Variants in SVEP1 observed in about 807,000 individuals in gnomAD.
SVEP1 encodes sushi, von Willebrand factor type A, EGF and pentraxin domain-containing protein 1.
Under a neutral mutation model 367.3 loss-of-function variants are expected in SVEP1, and 164 were observed. The ratio of observed to expected loss-of-function variants is 0.45; its 90% CI spans 0.39 to 0.51. The LOEUF (loss-of-function observed/expected upper bound fraction) is 0.51, where lower values mean the gene tolerates loss of function less well. SVEP1 is among the 20% of genes least tolerant of loss of function. The probability of loss-of-function intolerance (pLI) is 0.00; values close to 1 mark genes in which losing one functional copy is unlikely to be tolerated. For missense variants in SVEP1, 4,117 were observed against 4,425.3 expected, an observed-to-expected ratio of 0.93 and a Z score of 1.98; for synonymous variants, 1,666 against 1,611.6, an observed-to-expected ratio of 1.03 and a Z score of -0.81.
intron 1 of SVEP1, among the ~76,000 whole-genome samples, chr9:110,577,478 A>G (rs1231539125): frequency 6.6e-6 from 1 of 152,114 alleles, no homozygotes; most frequent in African/African-American, 2.4e-5. Context: ...TATCATACAC[A>G]AAAATAAATT....
intron 18 of SVEP1, among the ~76,000 whole-genome samples, chr9:110,459,587 T>C (rs1231093080): frequency 1.3e-5 from 2 of 152,200 alleles, no homozygotes; most frequent in East Asian, 3.8e-4. Flanking sequence ...CTTGGGATAA[T>C]AGTTGACTTT....
chr9:110,379,297 A>G (rs1479668342), intron 44 of SVEP1, 50 bp downstream of exon 44: 1 of 1,586,708 alleles, frequency 6.3e-7, no homozygotes, highest in Non-Finnish European at 8.6e-7. Context: ...ATTTCTATAC[A>G]CATTTCCCTG....
chr9:110,403,394 T>A (rs577185776), intron 39 of SVEP1, among the ~76,000 whole-genome samples: 1 of 137,354 alleles, frequency 7.3e-6, no homozygotes, highest in East Asian at 2.2e-4. Context: ...AACCTCCGCA[T>A]CCTGGGTTCA....
At position 110,576,126 on chromosome 9, in the gene SVEP1, T is replaced by G. The variant is rs559415904; in HGVS notation, c.531+2887A>C. ...ACATGAATATTCTTTGATGCAATAA[T>G]GGCACTTCAAGAATTTGCCTTAAGG... On this transcript the variant is annotated intron_variant, in intron 1 of 47. Transcript: ENST00000374469. 3.9e-5 allele frequency among the ~76,000 whole-genome samples: 6 copies of G among 152,278 alleles called. No individual in the cohort carries two copies. In the South Asian group the frequency reaches 1.2e-3, roughly 32 times the overall value.
chr9:110,439,560 A>ATT (rs535123411), intron 27 of SVEP1, among the ~76,000 whole-genome samples: 1 of 145,590 alleles, frequency 6.9e-6, no homozygotes, highest in African/African-American at 2.5e-5. Context: ...CGCCCGGCTA[A>ATT]TTTTTTTTTT....
intron 39 of SVEP1, among the ~76,000 whole-genome samples, chr9:110,403,305 T>TTTTTTTTTG (rs1827895941): frequency 1.6e-5 from 2 of 128,346 alleles, no homozygotes; most frequent in African/African-American, 6.4e-5. Context: ...CGTTTTTTTT[T>TTTTTTTTTG]TTTTTTTTTT....
At chr9:110,460,084 C>T (rs116363462) in intron 18 of SVEP1, among the ~76,000 whole-genome samples, 4,259 of 152,056 alleles carry the variant, frequency 0.028, 209 homozygotes, top group African/African-American at 0.096. Flanking sequence ...ACCTATGAGA[C>T]GTTCAGCAAA....
At chr9:110,517,623 AT>A (rs1829821861) in intron 3 of SVEP1, among the ~76,000 whole-genome samples, 1 of 151,468 alleles carries the variant, frequency 6.6e-6, no homozygotes, top group Non-Finnish European at 1.5e-5. Flanking sequence ...AATGTAAAAA[AT>A]TAGGTGAGCA....
chr9:110,379,600 G>C lies in SVEP1; in HGVS notation c.10238-83C>G, dbSNP rs559775083. 47 of 1,402,396 alleles carry C rather than the reference G, an allele frequency of 3.4e-5. No homozygotes were observed. In the South Asian group the frequency reaches 5.4e-4, roughly 16 times the overall value. The allele number at this position is 1,402,396 out of a possible 1,614,324, so 86.9% of individuals were successfully genotyped here. On this transcript the variant is annotated intron_variant, in intron 43 of 47. Coordinates refer to ENST00000374469, the MANE Select transcript of SVEP1 (RefSeq NM_153366.4). ...GTCTCATCTCTCAGAATGAATTAAA[G>C]AGCAAAAATAAAATACATAAGGGAA...
intron 38 of SVEP1, among the ~76,000 whole-genome samples, chr9:110,405,556 C>T (rs1200438816): frequency 6.6e-6 from 1 of 151,444 alleles, no homozygotes; most frequent in Non-Finnish European, 1.5e-5. Context: ...TGAATACCTA[C>T]GTGGACTCAG....
chr9:110,567,249 C>T (rs901871611), intron 1 of SVEP1, among the ~76,000 whole-genome samples: 1 of 152,150 alleles, frequency 6.6e-6, no homozygotes, highest in Non-Finnish European at 1.5e-5. Context: ...GGGAAGACAA[C>T]AAACACCACA....
chr9:110,507,260 G>A (rs1040497543), intron 5 of SVEP1, among the ~76,000 whole-genome samples: 2 of 152,174 alleles, frequency 1.3e-5, no homozygotes, highest in African/African-American at 2.4e-5. Context: ...GAGACTCCGG[G>A]TGGGATATAT....
chr9:110,466,864 A>C (rs2118656951), intron 17 of SVEP1, among the ~76,000 whole-genome samples: 1 of 152,108 alleles, frequency 6.6e-6, no homozygotes, highest in Non-Finnish European at 1.5e-5. Flanking sequence ...TGGGGAGTAG[A>C]ACATAAAAGC....
chr9:110,549,745 G>T, intron 2 of SVEP1, 104 bp downstream of exon 2: 1 of 1,433,194 alleles, frequency 7.0e-7, no homozygotes, highest in South Asian at 1.4e-5. Flanking sequence ...ATTCAGCAAA[G>T]ACCTTGTGAG....
Position 110,406,846 on chromosome 9 carries a change from G to T in SVEP1, c.8754C>A (p.His2918Gln), listed in dbSNP as rs2281937. 1.2e-6 allele frequency: 2 copies of T among 1,613,638 alleles called. No individual in the cohort carries two copies. The highest frequency in any genetic ancestry group is 1.7e-6 in the Non-Finnish European group (2 of 1,179,858). The change falls in exon 38 of 48, where the codon CAC (histidine) becomes CAA (glutamine). Residue 2918 changes from histidine (H) to glutamine (Q), a missense_variant. His to Gln is a conservative substitution (Grantham distance 24). Coordinates refer to ENST00000374469, the MANE Select transcript of SVEP1 (RefSeq NM_153366.4). The stretch of plus-strand genomic sequence containing the variant: ...GAGCACCGTGCAAGATGTAGCCCTC[G>T]TGACAGTGGAATGTTACTTCCTTCA... ...GFMKEVTFHCHEGYILHGAPK... is the reference protein window; with the variant it reads ...GFMKEVTFHCQEGYILHGAPK...
At chr9:110,534,592 G>A (rs566858483) in intron 3 of SVEP1, among the ~76,000 whole-genome samples, 235 of 152,186 alleles carry the variant, frequency 1.5e-3, no homozygotes, top group African/African-American at 5.5e-3. Context: ...GCTCTTTGAG[G>A]AATCATCACA....
chr9:110,386,882 CTTAAT>C (rs1293709191), intron 42 of SVEP1, among the ~76,000 whole-genome samples: 11 of 152,222 alleles, frequency 7.2e-5, no homozygotes, highest in Admixed American at 2.0e-4. Context: ...AACTCATTAT[CTTAAT>C]TTATCATATT....
intron 18 of SVEP1, among the ~76,000 whole-genome samples, chr9:110,465,337 C>CGTCT (rs1828918302): frequency 6.6e-6 from 1 of 151,304 alleles, no homozygotes; most frequent in African/African-American, 2.4e-5. Context: ...TCTACTCAGA[C>CGTCT]AAGTTAAATC....
At chr9:110,543,617 G>A (rs1298106693) in intron 3 of SVEP1, among the ~76,000 whole-genome samples, 1 of 152,160 alleles carries the variant, frequency 6.6e-6, no homozygotes, top group Non-Finnish European at 1.5e-5. Context: ...AAATTCTAGT[G>A]CTGTGGAACA....
Sources: gnomAD v4.1 joint callset for allele counts (sites outside exome capture counted in the v4.1 genomes callset) on GRCh38, gnomAD v4.1.1 for gene constraint, MANE v1.5 for transcripts, NCBI Gene and HGNC (gene_info 2026-07-23, HGNC 2026-07-21) for gene names.